TADA2A: variants seen among roughly 807,000 people sequenced by gnomAD.
TADA2A encodes transcriptional adaptor 2A.
TADA2A carries 38 observed loss-of-function variants against 67.4 expected under a neutral mutation model. That is an observed-to-expected ratio of 0.56 (90% CI 0.44 to 0.74). The LOEUF is 0.74. Among genes scored for constraint, TADA2A ranks in the 30% least tolerant of loss-of-function variants. The pLI, the probability that TADA2A is intolerant of heterozygous loss-of-function variation, is 0.00. For synonymous variants in TADA2A, 192 were observed against 181.6 expected (o/e 1.06, Z -0.46); for missense variants, 454 against 547.0 (o/e 0.83, Z 1.70).
At chr17:37,442,728 A>G (rs372483323) in intron 7 of TADA2A, 76 bp downstream of exon 7, 8 of 1,366,396 alleles carry the variant, frequency 5.9e-6, no homozygotes, top group African/African-American at 4.3e-5. Context: ...TCTCACCCAT[A>G]GATTCCATAC....
intron 12 of TADA2A, among the ~76,000 whole-genome samples, 164 bp from the exon 13 acceptor site, chr17:37,470,236 A>G (rs1432029543): frequency 1.3e-5 from 2 of 152,228 alleles, no homozygotes; most frequent in Non-Finnish European, 2.9e-5. Context: ...AGGATTTCAG[A>G]CTAGGGAAAA....
At chr17:37,424,173 C>T (rs2052333213) in intron 3 of TADA2A, among the ~76,000 whole-genome samples, 1 of 152,108 alleles carries the variant, frequency 6.6e-6, no homozygotes, top group Non-Finnish European at 1.5e-5. Context: ...TGGCTCATGC[C>T]TGTAGTCCTA....
rs192721759 is a variant in TADA2A at position 37,471,639 on chromosome 17, C to A, written c.1072+502C>A. ...TCTTCTGCCCCAGCCTCCCGAACAG[C>A]TGGGATTACAGGCATGCACCACCAC... On this transcript the variant is annotated intron_variant, in intron 14 of 15. Coordinates refer to ENST00000615182, the MANE Select transcript of TADA2A (RefSeq NM_001166105.3). Among the ~76,000 whole-genome samples the A allele has an allele frequency of 1.9e-3, 282 of 152,070 alleles. 2 individuals are homozygous for A. The highest frequency in any genetic ancestry group is 6.4e-3 in the African/African-American group (264 of 41,496).
intron 14 of TADA2A, among the ~76,000 whole-genome samples, chr17:37,471,372 A>G (rs547986136): frequency 2.6e-5 from 4 of 152,332 alleles, no homozygotes; most frequent in African/African-American, 4.8e-5. Flanking sequence ...CAGGGGAAAA[A>G]AGAACTTCAG....
In TADA2A at chr17:37,478,732, A is replaced by G. The variant is rs77884802; in HGVS notation, c.*1750A>G. 2.0e-5 allele frequency: 3 copies of G among 152,202 alleles called. No individual in the cohort carries two copies. Among genetic ancestry groups the G allele is most frequent in the African/African-American group, 4.8e-5 (2 of 41,446 alleles). The allele number at this position is 152,202 out of a possible 1,614,324, so 9.4% of individuals were successfully genotyped here. ...GACTGTTTAATTCCTTCTACATTCAAATATCTAATTAAAATACTGTGTGCT... is the reference window on the plus strand; with the variant it reads ...GACTGTTTAATTCCTTCTACATTCAGATATCTAATTAAAATACTGTGTGCT... On this transcript the variant is annotated 3_prime_UTR_variant, in exon 16 of 16. Coordinates refer to ENST00000615182, the MANE Select transcript of TADA2A (RefSeq NM_001166105.3).
At chr17:37,438,290 T>C (rs2052794141) in intron 5 of TADA2A, among the ~76,000 whole-genome samples, 1 of 152,212 alleles carries the variant, frequency 6.6e-6, no homozygotes, top group African/African-American at 2.4e-5. Flanking sequence ...CTACCTGCCT[T>C]AGTCCAAAAC....
intron 4 of TADA2A, among the ~76,000 whole-genome samples, chr17:37,430,405 A>C (rs1401289052): frequency 6.6e-6 from 1 of 152,172 alleles, no homozygotes; most frequent in Non-Finnish European, 1.5e-5. Flanking sequence ...TTTGCCTCAG[A>C]TAACTTTAAA....
At chr17:37,409,995 G>T (rs969437106) in intron 1 of TADA2A, among the ~76,000 whole-genome samples, 2 of 151,954 alleles carry the variant, frequency 1.3e-5, no homozygotes, top group African/African-American at 4.8e-5. Flanking sequence ...GTGAAACCCT[G>T]TCTCTCCTAA....
At chr17:37,455,642 A>C (rs1354810726) in intron 8 of TADA2A, among the ~76,000 whole-genome samples, 3 of 152,118 alleles carry the variant, frequency 2.0e-5, no homozygotes, top group Non-Finnish European at 4.4e-5. Flanking sequence ...CGGCCTCCCA[A>C]AGTGCTGGGA....
chr17:37,472,076 T>C (rs911092628), intron 14 of TADA2A, among the ~76,000 whole-genome samples: 9 of 151,992 alleles, frequency 5.9e-5, no homozygotes, highest in Admixed American at 5.2e-4. Flanking sequence ...AGGGACTTTT[T>C]TTTTTTTGAG....
At position 37,444,863 on chromosome 17, in the gene TADA2A, C is replaced by A; in HGVS notation, c.604+95C>A. The A allele has an allele frequency of 2.6e-6, 3 of 1,137,508 alleles. No homozygotes were observed. The East Asian group carries it at 7.1e-5, about 27-fold the overall frequency. The allele number at this position is 1,137,508 out of a possible 1,614,324, so 70.5% of individuals were successfully genotyped here. A position where few individuals can be genotyped will look rare whatever the true frequency, so the allele number is the denominator to read the frequency against. On this transcript the variant is annotated intron_variant, in intron 8 of 15. Transcript: ENST00000615182. ...ATTGAAGGATGAATAGAACATGTCCCCTGCCCTTATAGAATTCAGAAATCT... is the reference window on the plus strand; with the variant it reads ...ATTGAAGGATGAATAGAACATGTCCACTGCCCTTATAGAATTCAGAAATCT...
chr17:37,446,427 G>T (rs914586102), intron 8 of TADA2A, among the ~76,000 whole-genome samples: 4 of 151,620 alleles, frequency 2.6e-5, no homozygotes, highest in Non-Finnish European at 4.4e-5. Flanking sequence ...TGCACAAAAG[G>T]GGCAGCTTCA....
Position 37,467,606 on chromosome 17 carries a change from A to C in TADA2A, c.895+81A>C, listed in dbSNP as rs1451955446. The C allele has an allele frequency of 3.9e-6, 5 of 1,274,748 alleles. No individual in the cohort carries two copies. In the East Asian group the frequency reaches 1.2e-4, roughly 31 times the overall value. The allele number at this position is 1,274,748 out of a possible 1,614,324, so 79.0% of individuals were successfully genotyped here. ...AGAGGAAGTCTCTGAATTGTTGTGA[A>C]TTTTTTTTTAAAAAACAAGCTTTCC... On this transcript the variant is annotated intron_variant, in intron 12 of 15. Transcript: ENST00000615182.
At position 37,420,639 on chromosome 17, in the gene TADA2A, C is replaced by T. The variant is rs535950926; in HGVS notation, c.26-2870C>T. On this transcript the variant is annotated intron_variant, in intron 2 of 15. Coordinates refer to ENST00000615182, the MANE Select transcript of TADA2A (RefSeq NM_001166105.3). The stretch of plus-strand genomic sequence containing the variant: ...AACTCCTGAGCTCAAGTGATCAACC[C>T]GCCTCAGCCTCCCAAAGTGCTGGGA... Among the ~76,000 whole-genome samples the T allele has an allele frequency of 2.3e-4, 34 of 145,802 alleles. 4 individuals are homozygous for T. Among genetic ancestry groups the T allele is most frequent in the South Asian group, 1.1e-3 (5 of 4,412 alleles).
At chr17:37,444,454 G>A (rs531429494) in intron 7 of TADA2A, among the ~76,000 whole-genome samples, 1 of 152,064 alleles carries the variant, frequency 6.6e-6, no homozygotes, top group Non-Finnish European at 1.5e-5. Context: ...AGTATGTTTA[G>A]CTTCATTCCT....
intron 11 of TADA2A, among the ~76,000 whole-genome samples, chr17:37,466,279 G>T (rs2053663265): frequency 6.6e-6 from 1 of 152,166 alleles, no homozygotes; most frequent in African/African-American, 2.4e-5. Flanking sequence ...AGTTAGCCAG[G>T]CATGGTAGTG....
chr17:37,438,323 T>C (rs571684426), intron 5 of TADA2A, among the ~76,000 whole-genome samples: 20 of 152,374 alleles, frequency 1.3e-4, no homozygotes, highest in African/African-American at 3.4e-4. Context: ...ATAGCACTTA[T>C]TGCTGTTGAC....
At chr17:37,434,195 C>T (rs907961441) in intron 4 of TADA2A, among the ~76,000 whole-genome samples, 8 of 149,648 alleles carry the variant, frequency 5.3e-5, no homozygotes, top group African/African-American at 1.9e-4. Flanking sequence ...TCAATTTTGT[C>T]TTCATAGGTT....
intron 7 of TADA2A, among the ~76,000 whole-genome samples, chr17:37,442,862 T>C (rs571653335): frequency 6.6e-6 from 1 of 152,242 alleles, no homozygotes; most frequent in Admixed American, 6.5e-5. Flanking sequence ...AAAAATTCTT[T>C]AAACAAACAA....
Sources: allele counts gnomAD v4.1 joint callset (sites outside exome capture counted in the v4.1 genomes callset), GRCh38; gene constraint gnomAD v4.1.1; transcripts MANE v1.5; gene names NCBI Gene and HGNC (gene_info 2026-07-23, HGNC 2026-07-21).